Variants in SLC25A33 observed in about 807,000 individuals in gnomAD.
The protein encoded by SLC25A33 is solute carrier family 25 member 33.
SLC25A33 carries 15 observed loss-of-function variants against 35.5 expected under a neutral mutation model. The ratio of observed to expected loss-of-function variants is 0.42; its 90% CI spans 0.28 to 0.65. The LOEUF is 0.65. SLC25A33 is among the 30% of genes least tolerant of loss of function. The probability of loss-of-function intolerance (pLI) is 0.20; values close to 1 mark genes in which losing one functional copy is unlikely to be tolerated. For synonymous variants in SLC25A33, 136 were observed against 148.7 expected (o/e 0.91, Z 0.62); for missense variants, 257 against 398.5 (o/e 0.64, Z 3.02).
Position 9,542,736 on chromosome 1 carries a change from T to C in SLC25A33, c.56+2989T>C, listed in dbSNP as rs115815493. Reference sequence around the variant, plus strand: ...ATTTCTCTTGTTTATTGCATAGCCATTGGAAACTATAACATCAAACAAGTT... The same window carrying C: ...ATTTCTCTTGTTTATTGCATAGCCACTGGAAACTATAACATCAAACAAGTT... On this transcript the variant is annotated intron_variant, in intron 1 of 6. Transcript: ENST00000302692. 4.4e-3 allele frequency among the ~76,000 whole-genome samples: 677 copies of C among 152,352 alleles called. 8 individuals carry two copies. The highest frequency in any genetic ancestry group is 0.016 in the African/African-American group (652 of 41,592).
chr1:9,574,186 C>T (rs1171957997), intron 5 of SLC25A33, among the ~76,000 whole-genome samples: 3 of 150,608 alleles, frequency 2.0e-5, no homozygotes, highest in Non-Finnish European at 4.4e-5. Context: ...CTCCCAGGCT[C>T]AAGCAATCCT....
intron 1 of SLC25A33, among the ~76,000 whole-genome samples, chr1:9,545,052 C>T (rs1643147346): frequency 6.6e-6 from 1 of 151,980 alleles, no homozygotes; most frequent in African/African-American, 2.4e-5. Context: ...GGTGCCTAAG[C>T]CACAAGGGGA....
intron 5 of SLC25A33, among the ~76,000 whole-genome samples, chr1:9,575,226 A>G (rs1436665924): frequency 6.6e-6 from 1 of 151,386 alleles, no homozygotes; most frequent in Non-Finnish European, 1.5e-5. Flanking sequence ...AAAAAAAAAA[A>G]AAAAAAAAAT....
chr1:9,575,079 GGT>G (rs1643642175), intron 5 of SLC25A33, among the ~76,000 whole-genome samples: 1 of 151,802 alleles, frequency 6.6e-6, no homozygotes, highest in South Asian at 2.1e-4. Flanking sequence ...CGGGCGTGAT[GGT>G]GGGCGCCTGT....
At chr1:9,546,129 C>T (rs936908177) in intron 1 of SLC25A33, among the ~76,000 whole-genome samples, 5 of 148,250 alleles carry the variant, frequency 3.4e-5, no homozygotes, top group African/African-American at 1.2e-4. Flanking sequence ...CCACTGGATT[C>T]AAATCCTTCA....
At chr1:9,546,196 T>G (rs1444286231) in intron 1 of SLC25A33, among the ~76,000 whole-genome samples, 1 of 138,430 alleles carries the variant, frequency 7.2e-6, no homozygotes, top group Non-Finnish European at 1.6e-5. Flanking sequence ...TTTTTTTTTT[T>G]TTTTTTGAAA....
chr1:9,543,806 CTTTAAGA>C (rs1182789056), intron 1 of SLC25A33, among the ~76,000 whole-genome samples: 2 of 152,116 alleles, frequency 1.3e-5, no homozygotes, highest in Non-Finnish European at 2.9e-5. Flanking sequence ...TATAGTATAT[CTTTAAGA>C]TTTTAAACTA....
chr1:9,542,387 G>C (rs1252489050), intron 1 of SLC25A33, among the ~76,000 whole-genome samples: 1 of 152,134 alleles, frequency 6.6e-6, no homozygotes, highest in Non-Finnish European at 1.5e-5. Context: ...TTCCGTTCCT[G>C]TCTTGGCAGC....
chr1:9,559,988 A>ATG, intron 2 of SLC25A33, among the ~76,000 whole-genome samples: 1 of 152,158 alleles, frequency 6.6e-6, no homozygotes, highest in Non-Finnish European at 1.5e-5. Flanking sequence ...GCAGTGGCTC[A>ATG]CCCTTGTAAT....
chr1:9,543,835 G>T (rs1395469952), intron 1 of SLC25A33, among the ~76,000 whole-genome samples: 5 of 152,180 alleles, frequency 3.3e-5, no homozygotes, highest in Admixed American at 1.3e-4. Context: ...GCCAGGTGTG[G>T]TGGCTCACGC....
At chr1:9,563,636 A>G (rs1313115677) in intron 2 of SLC25A33, among the ~76,000 whole-genome samples, 3 of 152,236 alleles carry the variant, frequency 2.0e-5, no homozygotes, top group African/African-American at 7.2e-5. Context: ...TTATAGGAAC[A>G]TCTTTTCCAT....
chr1:9,565,517 GA>G (rs1260767100), intron 2 of SLC25A33, among the ~76,000 whole-genome samples: 3 of 135,530 alleles, frequency 2.2e-5, no homozygotes, highest in African/African-American at 2.7e-5. Context: ...CTCTGTCTCA[GA>G]AAAAAAAAAG....
intron 1 of SLC25A33, among the ~76,000 whole-genome samples, chr1:9,546,116 C>T (rs1456509977): frequency 1.7e-4 from 26 of 151,546 alleles, no homozygotes; most frequent in Non-Finnish European, 5.9e-5. Flanking sequence ...TCCTAGCTTT[C>T]CTCCACTGGA....
At chr1:9,580,865 A>ATAAT (rs1191503903) in intron 6 of SLC25A33, among the ~76,000 whole-genome samples, 4 of 129,422 alleles carry the variant, frequency 3.1e-5, no homozygotes, top group East Asian at 2.1e-4. Context: ...AAAAAAAAAA[A>ATAAT]AATAATAATA....
At position 9,582,268 on chromosome 1, in the gene SLC25A33, T is replaced by G; in HGVS notation, c.764-31T>G. The G allele has an allele frequency of 1.2e-6, 2 of 1,609,034 alleles. No homozygotes were observed. The highest frequency in any genetic ancestry group is 1.7e-6 in the Non-Finnish European group (2 of 1,175,502). On this transcript the variant is annotated intron_variant, in intron 6 of 6. Transcript: ENST00000302692. This position sits in a 1 kb window ranked among gnomAD's most constrained non-coding sequence, Gnocchi z 4.0. ...GTGGATTCGTTCCCCATTTAATATG[T>G]GGCGTAAAGTAGGTCTTTCTCTCTC... is the stretch of plus-strand genomic sequence containing the variant.
rs564385421 is a variant in SLC25A33 at position 9,544,833 on chromosome 1, G to GTA, written c.56+5088_56+5089dup. ...CTTGGTTTTAGTGCCCGATATGCAT[G>GTA]TATGCATAGGGAGCAGAGGCTGTTG... On this transcript the variant is annotated intron_variant, in intron 1 of 6. Coordinates refer to ENST00000302692, the MANE Select transcript of SLC25A33 (RefSeq NM_032315.3). 1.9e-3 allele frequency among the ~76,000 whole-genome samples: 296 copies of GTA among 152,292 alleles called. 1 individual carries two copies. Among genetic ancestry groups the GTA allele is most frequent in the African/African-American group, 5.6e-3 (231 of 41,564 alleles).
At chr1:9,539,846 T>TCG (rs927089300) in intron 1 of SLC25A33, 99 bp downstream of exon 1, 104 of 1,119,386 alleles carry the variant, frequency 9.3e-5, no homozygotes, top group Middle Eastern at 6.9e-4. Context: ...TTACCGGCCT[T>TCG]CCCCGGGCTA....
intron 2 of SLC25A33, among the ~76,000 whole-genome samples, chr1:9,560,145 G>A (rs1171191734): frequency 5.9e-5 from 9 of 151,882 alleles, no homozygotes; most frequent in Non-Finnish European, 8.8e-5. Flanking sequence ...CCAGCTTCTC[G>A]GGAGGGTGAG....
intron 1 of SLC25A33, among the ~76,000 whole-genome samples, chr1:9,550,011 A>ATATATATATAT (rs754618497): frequency 1.6e-4 from 8 of 48,872 alleles, no homozygotes; most frequent in African/African-American, 5.5e-4. Context: ...ATATATATAT[A>ATATATATATAT]TTTTTTTTTT....
Sources: gnomAD v4.1 joint callset for allele counts (sites outside exome capture counted in the v4.1 genomes callset) on GRCh38, gnomAD v4.1.1 for gene constraint, Gnocchi (gnomAD v3.1) non-coding constraint, MANE v1.5 for transcripts, NCBI Gene and HGNC (gene_info 2026-07-23, HGNC 2026-07-21) for gene names.